The following CD38 variants were observed in gnomAD, a reference collection of about 807,000 sequenced individuals.
The protein encoded by CD38 is ADP-ribosyl cyclase/cyclic ADP-ribose hydrolase 1.
Under a neutral mutation model 36.3 loss-of-function variants are expected in CD38, and 31 were observed. The ratio of observed to expected loss-of-function variants is 0.85; its 90% CI spans 0.64 to 1.15. CD38 has a LOEUF of 1.15. Ranked by LOEUF, CD38 falls within the 50% of genes most tolerant of loss-of-function variation. The pLI is 0.00. For missense variants in CD38, 380 were observed against 371.9 expected (o/e 1.02, Z -0.18); for synonymous variants, 131 against 135.2 (o/e 0.97, Z 0.22).
At chr4:15,847,954 A>C (rs576223144) in intron 7 of CD38, among the ~76,000 whole-genome samples, 1 of 152,290 alleles carries the variant, frequency 6.6e-6, no homozygotes, top group Non-Finnish European at 1.5e-5. Flanking sequence ...GACACATCAC[A>C]AGGGCAGGTT....
At chr4:15,794,396 C>G (rs1723065987) in intron 1 of CD38, among the ~76,000 whole-genome samples, 1 of 152,128 alleles carries the variant, frequency 6.6e-6, no homozygotes, top group Non-Finnish European at 1.5e-5. Flanking sequence ...AAGACTGGTT[C>G]ATATGAATAT....
At chr4:15,786,542 A>C (rs977564271) in intron 1 of CD38, among the ~76,000 whole-genome samples, 3 of 152,228 alleles carry the variant, frequency 2.0e-5, no homozygotes, top group African/African-American at 7.2e-5. Flanking sequence ...AGCTAGACAC[A>C]GGGTGCTGAT....
chr4:15,818,988 A>G (rs1723672439), intron 2 of CD38, among the ~76,000 whole-genome samples: 1 of 152,238 alleles, frequency 6.6e-6, no homozygotes, highest in Non-Finnish European at 1.5e-5. Flanking sequence ...ACAAGGGCAT[A>G]GAACTGGGCT....
chr4:15,798,659 A>G (rs752584216), intron 1 of CD38, among the ~76,000 whole-genome samples: 3 of 152,194 alleles, frequency 2.0e-5, no homozygotes, highest in Non-Finnish European at 2.9e-5. Flanking sequence ...CATATGGCCA[A>G]ATGGTCACCA....
chr4:15,811,320 T>C (rs1723464623), intron 1 of CD38, among the ~76,000 whole-genome samples: 1 of 152,238 alleles, frequency 6.6e-6, no homozygotes, highest in South Asian at 2.1e-4. Context: ...GCTTTTGGTA[T>C]CATATTTAAG....
rs1366262465 is a variant in CD38, at chr4:15,816,361, CT to C, written c.234-149del. 3.1e-5 allele frequency: 18 copies of C among 582,724 alleles called. No individual in the cohort carries two copies. The East Asian group carries it at 5.7e-4, about 18-fold the overall frequency. 36.1% of individuals were successfully genotyped at this position (582,724 alleles called of 1,614,324 possible). A position where few individuals can be genotyped will look rare whatever the true frequency, so the allele number is the denominator to read the frequency against. On this transcript the variant is annotated intron_variant, in intron 1 of 7. Coordinates refer to ENST00000226279, the MANE Select transcript of CD38 (RefSeq NM_001775.4). ...ATGGTACCAGCTCCTCTTTGTACCCCTGGTAGACTGCATGTTAGACGAGATA... is the reference window on the plus strand; with the variant it reads ...ATGGTACCAGCTCCTCTTTGTACCCCGGTAGACTGCATGTTAGACGAGATA...
chr4:15,795,193 A>G (rs1723080963), intron 1 of CD38, among the ~76,000 whole-genome samples: 1 of 152,088 alleles, frequency 6.6e-6, no homozygotes. Context: ...GAAACTCAAC[A>G]ATAGATGAAA....
In CD38 at chr4:15,838,101, G is replaced by A. The variant is rs758635228; in HGVS notation, c.595G>A (p.Ala199Thr). ...WKTVSRRFAE[A>T]ACDVVHVMLN... ...CATTTTTTTTTTTAAGTTTGCAGAA[G>A]CTGCCTGTGATGTGGTCCATGTGAT... The change falls in exon 5 of 8, where the codon GCT (alanine) becomes ACT (threonine). Residue 199 changes from alanine to threonine, a missense_variant. Transcript: ENST00000226279. 6.2e-7 allele frequency: 1 copy of A among 1,612,904 alleles called. No homozygotes were observed. The highest frequency in any genetic ancestry group is 1.1e-5 in the South Asian group (1 of 90,988).
rs566382320 is a variant in CD38 at position 15,803,625 on chromosome 4, A to T, written c.234-12886A>T. On this transcript the variant is annotated intron_variant, in intron 1 of 7. Transcript: ENST00000226279. Reference sequence around the variant, plus strand: ...ATCATCAAAAAGAAGAAAAAATAACAAAGCTAGCAAGAATGCAGATAAAAG... The same window carrying T: ...ATCATCAAAAAGAAGAAAAAATAACTAAGCTAGCAAGAATGCAGATAAAAG... Among the ~76,000 whole-genome samples the T allele has an allele frequency of 2.6e-5, 4 of 152,322 alleles. No homozygotes were observed. In the South Asian group the frequency reaches 8.3e-4, roughly 32 times the overall value.
At chr4:15,792,806 T>C (rs2148916475) in intron 1 of CD38, among the ~76,000 whole-genome samples, 2 of 152,332 alleles carry the variant, frequency 1.3e-5, no homozygotes, top group South Asian at 4.1e-4. Flanking sequence ...ATTTTTCATA[T>C]CATCCAATAT....
chr4:15,787,100 G>C (rs554355212), intron 1 of CD38, among the ~76,000 whole-genome samples: 1 of 152,218 alleles, frequency 6.6e-6, no homozygotes, highest in South Asian at 2.1e-4. Context: ...CTACACCTCC[G>C]CTCAAGCAGA....
At chr4:15,794,342 T>C (rs896178366) in intron 1 of CD38, among the ~76,000 whole-genome samples, 1 of 152,214 alleles carries the variant, frequency 6.6e-6, no homozygotes, top group Admixed American at 6.5e-5. Flanking sequence ...AACATAACCC[T>C]GGCAGATAAG....
At chr4:15,847,575 TA>T (rs1307587929) in intron 7 of CD38, among the ~76,000 whole-genome samples, 1 of 59,564 alleles carries the variant, frequency 1.7e-5, no homozygotes, top group Non-Finnish European at 3.6e-5. Context: ...AAATAAAAAA[TA>T]AAAAACAACT....
intron 1 of CD38, among the ~76,000 whole-genome samples, chr4:15,811,254 C>T (rs13147551): frequency 0.17 from 22,544 of 134,684 alleles, 1,857 homozygotes; most frequent in South Asian, 0.29. Context: ...CTTTGAAGAA[C>T]GTAGGATTTT....
intron 2 of CD38, among the ~76,000 whole-genome samples, chr4:15,824,677 C>T (rs1187939595): frequency 7.7e-6 from 1 of 130,656 alleles, no homozygotes; most frequent in Admixed American, 7.2e-5. Flanking sequence ...ACATTGTGAC[C>T]TAGAACACAC....
chr4:15,780,316 A>G (rs1018524315), intron 1 of CD38, among the ~76,000 whole-genome samples: 1 of 152,110 alleles, frequency 6.6e-6, no homozygotes, highest in Non-Finnish European at 1.5e-5. Flanking sequence ...AATGCTGAAT[A>G]TTTTCAACTT....
rs1722747346 is a variant in CD38, at chr4:15,783,745, A to ATC, written c.233+5099_233+5100insCT. ...CCACAAGGACCATCTTTTCTGATTC[A>ATC]TGTTCATGTCGATTTCTTTTTTATT... On this transcript the variant is annotated intron_variant, in intron 1 of 7. Transcript: ENST00000226279. 5.9e-5 allele frequency among the ~76,000 whole-genome samples: 9 copies of ATC among 152,250 alleles called. No homozygotes were observed. The South Asian group carries it at 1.9e-3, about 32-fold the overall frequency.
At chr4:15,835,970 G>GA (rs1042364370) in intron 4 of CD38, among the ~76,000 whole-genome samples, 2 of 151,828 alleles carry the variant, frequency 1.3e-5, no homozygotes, top group Non-Finnish European at 2.9e-5. Context: ...GTGTGTTAGG[G>GA]AAAAAAAGAG....
intron 1 of CD38, among the ~76,000 whole-genome samples, chr4:15,789,903 A>G (rs1002114671): frequency 6.6e-6 from 1 of 152,176 alleles, no homozygotes; most frequent in Non-Finnish European, 1.5e-5. Flanking sequence ...TTAAGGAATA[A>G]ATTCATTTTT....
Sources: gnomAD v4.1 joint callset for allele counts (sites outside exome capture counted in the v4.1 genomes callset) on GRCh38, gnomAD v4.1.1 for gene constraint, MANE v1.5 for transcripts, NCBI Gene and HGNC (gene_info 2026-07-23, HGNC 2026-07-21) for gene names.